SNW1: variants seen among roughly 807,000 people sequenced by gnomAD.
SNW1 encodes SNW domain-containing protein 1.
A neutral mutation model predicts 75.6 loss-of-function variants in SNW1; 9 were observed. The observed-to-expected ratio is 0.12, with a 90% CI of 0.07 to 0.21. The LOEUF (loss-of-function observed/expected upper bound fraction) is 0.21, where lower values mean the gene tolerates loss of function less well. Among genes scored for constraint, SNW1 ranks in the 10% least tolerant of loss-of-function variants. The pLI is 1.00. For synonymous variants in SNW1, 200 were observed against 219.1 expected, an observed-to-expected ratio of 0.91 and a Z score of 0.77; for missense variants, 409 against 670.9, an observed-to-expected ratio of 0.61 and a Z score of 4.31.
At chr14:77,722,604 C>T (rs1050953937) in intron 11 of SNW1, 3 of 396,138 alleles carry the variant, frequency 7.6e-6, no homozygotes, top group African/African-American at 2.1e-5. Context: ...AATCTGATCT[C>T]GATTCCGTTT....
At chr14:77,744,135 C>CAAAAAAA (rs11335114) in intron 3 of SNW1, among the ~76,000 whole-genome samples, 2 of 121,740 alleles carry the variant, frequency 1.6e-5, no homozygotes, top group African/African-American at 3.1e-5. Flanking sequence ...GACTCCATCT[C>CAAAAAAA]AAAAAAAAAA....
chr14:77,747,525 C>T (rs186961629), intron 3 of SNW1, among the ~76,000 whole-genome samples: 2,056 of 150,948 alleles, frequency 0.014, 44 homozygotes, highest in African/African-American at 0.048. Flanking sequence ...GCCTCTGCCC[C>T]GCCGCCCGGT....
Position 77,734,933 on chromosome 14 carries a change from G to C in SNW1, c.774+14C>G. On this transcript the variant is annotated intron_variant, in intron 8 of 13. Transcript: ENST00000261531. ...AGGTTATACTAATAGAGACTGATTTGACAACTTAATTACCTTTGCATTTTT... is the reference window on the plus strand; with the variant it reads ...AGGTTATACTAATAGAGACTGATTTCACAACTTAATTACCTTTGCATTTTT... 1 of 1,582,022 alleles carries C rather than the reference G, an allele frequency of 6.3e-7. No homozygotes were observed. The highest frequency in any genetic ancestry group is 8.7e-7 in the Non-Finnish European group (1 of 1,151,466).
intron 10 of SNW1, among the ~76,000 whole-genome samples, chr14:77,729,798 T>G (rs1001339643): frequency 6.6e-6 from 1 of 152,212 alleles, no homozygotes; most frequent in Non-Finnish European, 1.5e-5. Context: ...TATACAATTT[T>G]TATTTGCCAA....
chr14:77,751,356 T>C lies in SNW1; in HGVS notation c.293A>G (p.Tyr98Cys). ...IQVDSEGKIK[Y>C]DAIARQGQSK... The stretch of plus-strand genomic sequence containing the variant: ...CTGTCCTTGTCGAGCAATTGCATCA[T>C]ATTTAATTTTTCCTTCAGAATCCAC... The change falls in exon 3 of 14, where the codon TAT becomes TGT. Residue 98 changes from tyrosine (Y) to cysteine (C), a missense_variant. Transcript: ENST00000261531. 6.2e-7 allele frequency: 1 copy of C among 1,613,850 alleles called. No homozygotes were observed. The highest frequency in any genetic ancestry group is 8.5e-7 in the Non-Finnish European group (1 of 1,179,888).
At chr14:77,748,707 C>G (rs1042755299) in intron 3 of SNW1, among the ~76,000 whole-genome samples, 26 of 151,944 alleles carry the variant, frequency 1.7e-4, no homozygotes, top group African/African-American at 6.3e-4. Flanking sequence ...CCTGCCTCAG[C>G]CTCCCGAGTA....
intron 10 of SNW1, among the ~76,000 whole-genome samples, chr14:77,728,031 A>G (rs893789415): frequency 6.9e-6 from 1 of 145,192 alleles, no homozygotes; most frequent in South Asian, 2.2e-4. Context: ...CTTTTCTTTC[A>G]TGGGAGCAAT....
At chr14:77,754,077 T>A (rs1478507519) in intron 2 of SNW1, among the ~76,000 whole-genome samples, 2 of 151,966 alleles carry the variant, frequency 1.3e-5, no homozygotes, top group African/African-American at 4.8e-5. Context: ...GGAGTTTTGC[T>A]GTTGTTGCCC....
chr14:77,739,513 G>A (rs955071158), intron 3 of SNW1, among the ~76,000 whole-genome samples: 2 of 151,328 alleles, frequency 1.3e-5, no homozygotes, highest in East Asian at 1.9e-4. Context: ...TATTTATAAC[G>A]CTTCTCTTTT....
At chr14:77,736,579 CAAAAAA>C (rs960094584) in intron 6 of SNW1, among the ~76,000 whole-genome samples, 6 of 151,512 alleles carry the variant, frequency 4.0e-5, no homozygotes, top group African/African-American at 1.2e-4. Flanking sequence ...AAAACAAAAA[CAAAAAA>C]AGGCAGCTTT....
At chr14:77,735,760 T>G (rs1277816053) in intron 7 of SNW1, among the ~76,000 whole-genome samples, 177 bp downstream of exon 7, 2 of 152,138 alleles carry the variant, frequency 1.3e-5, no homozygotes, top group African/African-American at 4.8e-5. Context: ...ATAACAAAAC[T>G]TACAGCTAAC....
chr14:77,758,005 T>G (rs2080855867), intron 1 of SNW1, among the ~76,000 whole-genome samples: 1 of 106,228 alleles, frequency 9.4e-6, no homozygotes, highest in Non-Finnish European at 1.9e-5. Context: ...AATCACAATT[T>G]TTCTCTATCT....
chr14:77,760,719 A>G lies in SNW1; in HGVS notation c.14+395T>C, dbSNP rs750785482. 10 of 702,442 alleles carry G rather than the reference A, an allele frequency of 1.4e-5. No individual in the cohort carries two copies. In the South Asian group the frequency reaches 1.5e-4, roughly 10 times the overall value. 43.5% of individuals were successfully genotyped at this position (702,442 alleles called of 1,614,324 possible). A position where few individuals can be genotyped will look rare whatever the true frequency, so the allele number is the denominator to read the frequency against. On this transcript the variant is annotated intron_variant, in intron 1 of 13. Transcript: ENST00000261531. ...GAGACCACCACAGGCAAACGGCCGG[A>G]AAGCCGCGCAGTCGCAGCCCGCGCG... is the stretch of plus-strand genomic sequence containing the variant.
intron 10 of SNW1, among the ~76,000 whole-genome samples, chr14:77,726,663 A>T (rs1393260930): frequency 6.6e-6 from 1 of 152,098 alleles, no homozygotes. Flanking sequence ...AAATAAAAAA[A>T]ATTAGCCAGG....
At chr14:77,751,843 CACCACACA>C (rs766383081) in intron 2 of SNW1, among the ~76,000 whole-genome samples, 1 of 120,762 alleles carries the variant, frequency 8.3e-6, no homozygotes, top group Non-Finnish European at 1.8e-5. Flanking sequence ...CACACACACA[CACCACACA>C]CACACACACA....
At chr14:77,735,307 C>A (rs371147758) in intron 7 of SNW1, among the ~76,000 whole-genome samples, 1 of 152,034 alleles carries the variant, frequency 6.6e-6, no homozygotes, top group Non-Finnish European at 1.5e-5. Flanking sequence ...TTTATTGAGA[C>A]GGGGTTTCGC....
Position 77,732,477 on chromosome 14 carries a change from A to C in SNW1, c.891+8T>G, listed in dbSNP as rs76529343. 1.2e-3 allele frequency: 1,728 copies of C among 1,451,820 alleles called. 8 individuals are homozygous for C. Among genetic ancestry groups the C allele is most frequent in the African/African-American group, 0.012 (844 of 71,682 alleles). 89.9% of individuals were successfully genotyped at this position (1,451,820 alleles called of 1,614,324 possible). On this transcript the variant is annotated splice_region_variant and intron_variant, in intron 9 of 13. Transcript: ENST00000261531. ...ACAAGAGCATTAAACAAATTATAAC[A>C]AACCAACCTTCCGATCAGCAATGTA...
At chr14:77,726,896 T>C (rs2080590208) in intron 10 of SNW1, among the ~76,000 whole-genome samples, 1 of 152,210 alleles carries the variant, frequency 6.6e-6, no homozygotes. Context: ...AGCTTGGGTA[T>C]CCTATTTGTA....
At position 77,760,826 on chromosome 14, in the gene SNW1, G is replaced by A. The variant is rs1021745748; in HGVS notation, c.14+288C>T. On this transcript the variant is annotated intron_variant, in intron 1 of 13. Coordinates refer to ENST00000261531, the MANE Select transcript of SNW1 (RefSeq NM_012245.3). ...CCGCGGACCTGAGGGAGCGCTGTCC[G>A]CTCCCCGCAAGATGCTCACGCGAAA... is the stretch of plus-strand genomic sequence containing the variant. 5 of 725,780 alleles carry A rather than the reference G, an allele frequency of 6.9e-6. No individual in the cohort carries two copies. In the African/African-American group the frequency reaches 6.9e-5, roughly 10 times the overall value. 45.0% of individuals were successfully genotyped at this position (725,780 alleles called of 1,614,324 possible). A position where few individuals can be genotyped will look rare whatever the true frequency, so the allele number is the denominator to read the frequency against.
Sources: allele counts gnomAD v4.1 joint callset (sites outside exome capture counted in the v4.1 genomes callset), GRCh38; gene constraint gnomAD v4.1.1; transcripts MANE v1.5; gene names NCBI Gene and HGNC (gene_info 2026-07-23, HGNC 2026-07-21).